Variants in GPHN observed in about 807,000 individuals in gnomAD.
GPHN encodes the protein gephyrin.
In GPHN, 17 loss-of-function variants were observed where a neutral mutation model predicts 95.5. That is an observed-to-expected ratio of 0.18 (90% CI 0.12 to 0.27). The LOEUF (loss-of-function observed/expected upper bound fraction) is 0.27, where lower values mean the gene tolerates loss of function less well. Ranked by LOEUF, GPHN falls within the 10% of genes least tolerant of loss-of-function variation. The pLI, the probability that GPHN is intolerant of heterozygous loss-of-function variation, is 1.00. For missense variants in GPHN, 660 were observed against 978.1 expected, an observed-to-expected ratio of 0.67 and a Z score of 4.34; for synonymous variants, 320 against 322.5, an observed-to-expected ratio of 0.99 and a Z score of 0.08.
the GPHN span, among the ~76,000 whole-genome samples, chr14:67,315,917 T>C: frequency 6.6e-6 from 1 of 152,240 alleles, no homozygotes; most frequent in East Asian, 1.9e-4. Flanking sequence ...AGAGCGAGAC[T>C]TCGTCTCAAA....
the GPHN span, among the ~76,000 whole-genome samples, chr14:67,486,059 C>T: frequency 2.6e-5 from 4 of 152,358 alleles, no homozygotes; most frequent in Admixed American, 6.5e-5. Flanking sequence ...TGAAGCCTGA[C>T]GGCCAAAGTA....
At chr14:66,541,416 C>T (rs1216192601) in intron 1 of GPHN, among the ~76,000 whole-genome samples, 2 of 152,148 alleles carry the variant, frequency 1.3e-5, no homozygotes, top group Non-Finnish European at 2.9e-5. Context: ...ACCAAAAGTT[C>T]TTAGGTCAAT....
At chr14:67,144,412 G>A (rs2080775976) in intron 18 of GPHN, among the ~76,000 whole-genome samples, 3 of 150,336 alleles carry the variant, frequency 2.0e-5, no homozygotes, top group Non-Finnish European at 3.0e-5. Context: ...AATGAAATGT[G>A]TTAGTTTACG....
the GPHN span, among the ~76,000 whole-genome samples, chr14:67,357,285 C>A: frequency 6.6e-6 from 1 of 152,238 alleles, no homozygotes; most frequent in Non-Finnish European, 1.5e-5. Context: ...TTAAAACTTG[C>A]TCCTTTACAT....
the GPHN span, chr14:67,651,534 C>CTAAACATTTTGGGGTTAGACCT: frequency 5.6e-6 from 9 of 1,597,346 alleles, no homozygotes; most frequent in Non-Finnish European, 7.7e-6. Flanking sequence ...AACCTTCCTT[C>CTAAACATTTTGGGGTTAGACCT]TAAACATTTT....
At chr14:66,972,290 A>AG in intron 9 of GPHN, among the ~76,000 whole-genome samples, 1 of 127,878 alleles carries the variant, frequency 7.8e-6, no homozygotes, top group African/African-American at 4.2e-5. Context: ...AAAAAGAAAG[A>AG]AAAAAAAGAA....
Position 67,089,017 on chromosome 14 carries a change from T to C in GPHN, c.1179T>C (p.Tyr393=), listed in dbSNP as rs754086275. 2 of 1,604,550 alleles carry C rather than the reference T, an allele frequency of 1.2e-6. No homozygotes were observed. Among genetic ancestry groups the C allele is most frequent in the Admixed American group, 1.7e-5 (1 of 59,974 alleles). Residue 393 remains tyrosine, a synonymous_variant, in exon 12 of 23, where the codon TAT becomes TAC. Coordinates refer to ENST00000478722, the MANE Select transcript of GPHN (RefSeq NM_020806.5). ...GMGRVLAQDV[Y]AKDNLPPFPA... ...GGCGAGTCCTTGCTCAAGATGTATA[T>C]GCAAAAGACAATTTACCCCCCTTCC...
chr14:66,961,576 C>G (rs1452576150), intron 8 of GPHN, among the ~76,000 whole-genome samples: 1 of 150,596 alleles, frequency 6.6e-6, no homozygotes, highest in Non-Finnish European at 1.5e-5. Flanking sequence ...AAGAAAAGAA[C>G]AACCAAATAA....
At chr14:66,899,690 A>G (rs2153546895) in intron 5 of GPHN, among the ~76,000 whole-genome samples, 1 of 151,908 alleles carries the variant, frequency 6.6e-6, no homozygotes, top group East Asian at 1.9e-4. Flanking sequence ...AAGGATTTTT[A>G]TATCTATATT....
intron 9 of GPHN, among the ~76,000 whole-genome samples, chr14:66,973,725 G>A (rs937667967): frequency 2.0e-5 from 3 of 152,030 alleles, no homozygotes; most frequent in Non-Finnish European, 4.4e-5. Flanking sequence ...CGCCACTGCC[G>A]TCTAGACTGG....
At chr14:67,667,893 G>A in the GPHN span, among the ~76,000 whole-genome samples, 2 of 152,078 alleles carry the variant, frequency 1.3e-5, no homozygotes, top group Non-Finnish European at 2.9e-5. Context: ...GCAGTGAGCC[G>A]AGATCGCGCC....
At chr14:67,444,696 G>C in the GPHN span, among the ~76,000 whole-genome samples, 1 of 152,206 alleles carries the variant, frequency 6.6e-6, no homozygotes, top group African/African-American at 2.4e-5. Flanking sequence ...TAGAAGGTGG[G>C]AACTTTCAGT....
chr14:66,816,328 A>T (rs977776355), intron 3 of GPHN, among the ~76,000 whole-genome samples: 1 of 152,194 alleles, frequency 6.6e-6, no homozygotes, highest in Non-Finnish European at 1.5e-5. Flanking sequence ...AGAACTCTCC[A>T]CGTAAAAACA....
intron 9 of GPHN, among the ~76,000 whole-genome samples, chr14:66,997,596 CAGAACCA>C: frequency 6.6e-6 from 1 of 152,086 alleles, no homozygotes; most frequent in Non-Finnish European, 1.5e-5. Flanking sequence ...GTAGTATATG[CAGAACCA>C]GAGGCAGAAT....
At chr14:66,951,904 C>T (rs933560490) in intron 8 of GPHN, among the ~76,000 whole-genome samples, 1 of 151,924 alleles carries the variant, frequency 6.6e-6, no homozygotes, top group Non-Finnish European at 1.5e-5. Context: ...ATACAAAAAT[C>T]AACTCCAGGT....
the GPHN span, among the ~76,000 whole-genome samples, chr14:67,671,906 GC>G: frequency 1.3e-5 from 2 of 152,182 alleles, no homozygotes; most frequent in African/African-American, 4.8e-5. Context: ...TGAGGATGGA[GC>G]CCTCATGGTC....
At position 66,986,497 on chromosome 14, in the gene GPHN, G is replaced by A. The variant is rs17247986; in HGVS notation, c.963+21172G>A. Among the ~76,000 whole-genome samples the A allele has an allele frequency of 1.3e-3, 200 of 152,106 alleles. 1 individual carries two copies. The East Asian group carries it at 0.033, about 25-fold the overall frequency. ...TTGCTCAATATGCCTTGGGCACTCA[G>A]TACTCAAACATTTAATCATAATGAA... On this transcript the variant is annotated intron_variant, in intron 9 of 22. Coordinates refer to ENST00000478722, the MANE Select transcript of GPHN (RefSeq NM_020806.5).
intron 8 of GPHN, among the ~76,000 whole-genome samples, chr14:66,947,651 C>T (rs896263760): frequency 6.6e-6 from 1 of 152,038 alleles, no homozygotes; most frequent in African/African-American, 2.4e-5. Flanking sequence ...TTCGCCATAC[C>T]CATGATGTAT....
chr14:66,508,478 G>C lies in GPHN; in HGVS notation c.-50G>C, dbSNP rs761591345. ...GCGCGCTCCCGGCCCGCGCGCTCCGGGCTCCGGTTTCTCCCGGCTCCTGTC... is the reference window on the plus strand; with the variant it reads ...GCGCGCTCCCGGCCCGCGCGCTCCGCGCTCCGGTTTCTCCCGGCTCCTGTC... On this transcript the variant is annotated 5_prime_UTR_variant, in exon 1 of 23. Coordinates refer to ENST00000478722, the MANE Select transcript of GPHN (RefSeq NM_020806.5). 6.3e-7 allele frequency: 1 copy of C among 1,581,882 alleles called. No individual in the cohort carries two copies. The highest frequency in any genetic ancestry group is 1.3e-5 in the African/African-American group (1 of 74,312).
Sources: allele counts gnomAD v4.1 joint callset (sites outside exome capture counted in the v4.1 genomes callset), GRCh38; gene constraint gnomAD v4.1.1; transcripts MANE v1.5; gene names NCBI Gene and HGNC (gene_info 2026-07-23, HGNC 2026-07-21).